MAGI3: variants seen among roughly 807,000 people sequenced by gnomAD.
The protein encoded by MAGI3 is membrane-associated guanylate kinase, WW and PDZ domain-containing protein 3.
Under a neutral mutation model 121.8 loss-of-function variants are expected in MAGI3, and 43 were observed. The observed-to-expected ratio is 0.35, with a 90% CI of 0.28 to 0.46. MAGI3 has a LOEUF of 0.46. MAGI3 is among the 20% of genes least tolerant of loss of function. The probability of loss-of-function intolerance (pLI) is 1.00; values close to 1 mark genes in which losing one functional copy is unlikely to be tolerated. For synonymous variants in MAGI3, 553 were observed against 639.3 expected (o/e 0.86, Z 2.04); for missense variants, 1,547 against 1,797.3 (o/e 0.86, Z 2.52).
At chr1:113,579,397 T>C (rs1647866535) in intron 2 of MAGI3, among the ~76,000 whole-genome samples, 1 of 152,114 alleles carries the variant, frequency 6.6e-6, no homozygotes, top group African/African-American at 2.4e-5. Context: ...TTGAAAAATA[T>C]ATGTAGTATA....
At chr1:113,660,766 A>ATTTTTTTTTTTTTTTTTTTTTTTTTT (rs33956607) in intron 16 of MAGI3, among the ~76,000 whole-genome samples, 1 of 122,984 alleles carries the variant, frequency 8.1e-6, no homozygotes. Context: ...ATAATTTTTA[A>ATTTTTTTTTTTTTTTTTTTTTTTTTT]TTTTTTTTTT....
At chr1:113,543,987 T>A (rs1368526359) in intron 1 of MAGI3, among the ~76,000 whole-genome samples, 2 of 152,190 alleles carry the variant, frequency 1.3e-5, no homozygotes, top group African/African-American at 4.8e-5. Context: ...TTTAGATAGC[T>A]GACAATTTAG....
intron 7 of MAGI3, chr1:113,618,652 T>G (rs1172370303): frequency 2.9e-6 from 1 of 346,218 alleles, no homozygotes; most frequent in East Asian, 9.6e-5. Context: ...ATTACAGGCA[T>G]GCACCACCAC....
intron 19 of MAGI3, among the ~76,000 whole-genome samples, chr1:113,679,498 A>G (rs532906076): frequency 1.3e-5 from 2 of 152,264 alleles, no homozygotes; most frequent in East Asian, 1.9e-4. Flanking sequence ...TCTTTATCCA[A>G]TGCAGCATTC....
intron 6 of MAGI3, among the ~76,000 whole-genome samples, chr1:113,612,003 G>A (rs145828966): frequency 0.013 from 2,001 of 150,294 alleles, 18 homozygotes; most frequent in Middle Eastern, 0.017. Flanking sequence ...GAATGCAGTG[G>A]CACGATCTTG....
intron 1 of MAGI3, among the ~76,000 whole-genome samples, chr1:113,401,388 C>T (rs1292838112): frequency 1.3e-5 from 2 of 152,004 alleles, no homozygotes; most frequent in Non-Finnish European, 2.9e-5. Context: ...AGTTTGTGGC[C>T]GTGCAGTTTA....
chr1:113,394,631 A>T (rs1650996171), intron 1 of MAGI3, among the ~76,000 whole-genome samples: 1 of 152,178 alleles, frequency 6.6e-6, no homozygotes, highest in South Asian at 2.1e-4. Flanking sequence ...AATTGTGCAG[A>T]GTTTTATGCT....
intron 6 of MAGI3, among the ~76,000 whole-genome samples, chr1:113,612,698 T>C (rs1336410673): frequency 6.6e-6 from 1 of 152,162 alleles, no homozygotes; most frequent in Non-Finnish European, 1.5e-5. Flanking sequence ...ACCCAGAAGA[T>C]AAATGGCTGC....
At chr1:113,526,682 T>A (rs1351271075) in intron 1 of MAGI3, among the ~76,000 whole-genome samples, 2 of 152,108 alleles carry the variant, frequency 1.3e-5, no homozygotes, top group Non-Finnish European at 2.9e-5. Flanking sequence ...TTAGGAAAAT[T>A]GGAAAACAAA....
chr1:113,685,471 C>CCAA lies in MAGI3; in HGVS notation c.*1462_*1464dup, dbSNP rs1307670076. On this transcript the variant is annotated 3_prime_UTR_variant, in exon 21 of 21. Transcript: ENST00000307546. ...GAGTCTGACTGTGAAACTCTTTAAC[C>CCAA]CAACAACTCAATTAGCCCCTGTAGA... The CCAA allele has an allele frequency of 6.6e-6, 1 of 152,312 alleles. No homozygotes were observed. The highest frequency in any genetic ancestry group is 1.5e-5 in the Non-Finnish European group (1 of 68,040). The allele number at this position is 152,312 out of a possible 1,614,324, so 9.4% of individuals were successfully genotyped here. A position where few individuals can be genotyped will look rare whatever the true frequency, so the allele number is the denominator to read the frequency against.
chr1:113,547,763 A>G (rs1659602953), intron 1 of MAGI3, among the ~76,000 whole-genome samples: 1 of 152,202 alleles, frequency 6.6e-6, no homozygotes, highest in South Asian at 2.1e-4. Context: ...ATGAAATAAT[A>G]TTATTTTTAT....
intron 1 of MAGI3, among the ~76,000 whole-genome samples, chr1:113,394,333 GA>G (rs1255440573): frequency 1.3e-5 from 2 of 152,124 alleles, no homozygotes; most frequent in Non-Finnish European, 2.9e-5. Context: ...CCCGCTTATA[GA>G]AGAATCTTTG....
intron 1 of MAGI3, among the ~76,000 whole-genome samples, chr1:113,447,038 T>G (rs1654210199): frequency 1.3e-5 from 2 of 152,210 alleles, no homozygotes; most frequent in Non-Finnish European, 2.9e-5. Flanking sequence ...GGGTAAACAG[T>G]TTCATTTTGG....
rs377176212 is a variant in MAGI3 at position 113,646,530 on chromosome 1, T to C, written c.2043T>C (p.Asn681=). 72 of 1,612,040 alleles carry C rather than the reference T, an allele frequency of 4.5e-5. No homozygotes were observed. The African/African-American group carries it at 8.1e-4, about 18-fold the overall frequency. The part of the protein sequence containing the change: ...KENAGSLEAI[N]EPIPQPMPFP... Reference sequence around the variant, plus strand: ...ATGCAGGAAGTTTGGAGGCCATAAATGAGCCTATTCCTCAGCCTATGCCTT... The same window carrying C: ...ATGCAGGAAGTTTGGAGGCCATAAACGAGCCTATTCCTCAGCCTATGCCTT... Residue 681 remains asparagine, a synonymous_variant, in exon 12 of 21, where the codon AAT becomes AAC. Transcript: ENST00000307546.
intron 2 of MAGI3, among the ~76,000 whole-genome samples, chr1:113,575,182 A>G (rs1426791960): frequency 6.6e-6 from 1 of 152,098 alleles, no homozygotes; most frequent in African/African-American, 2.4e-5. Context: ...CCTGAAGCCT[A>G]CTTCTGTCAA....
chr1:113,590,184 C>T (rs1648609318), intron 4 of MAGI3, among the ~76,000 whole-genome samples: 1 of 152,072 alleles, frequency 6.6e-6, no homozygotes, highest in African/African-American at 2.4e-5. Context: ...AAAAGGACTA[C>T]ATTAGTGCTG....
intron 17 of MAGI3, among the ~76,000 whole-genome samples, chr1:113,672,199 G>C (rs189395325): frequency 1.3e-5 from 2 of 152,354 alleles, no homozygotes; most frequent in African/African-American, 2.4e-5. Context: ...CACCTGAGCA[G>C]AGCAGGTTTT....
At chr1:113,448,830 A>G (rs1654310626) in intron 1 of MAGI3, among the ~76,000 whole-genome samples, 1 of 152,142 alleles carries the variant, frequency 6.6e-6, no homozygotes, top group Non-Finnish European at 1.5e-5. Flanking sequence ...AATAAAACAT[A>G]AAAAAGAGGC....
intron 1 of MAGI3, among the ~76,000 whole-genome samples, chr1:113,503,874 T>C (rs1427436297): frequency 1.3e-5 from 2 of 152,022 alleles, no homozygotes; most frequent in East Asian, 3.9e-4. Flanking sequence ...ATTTCATCAC[T>C]GGAAATGAGC....
Sources: allele counts gnomAD v4.1 joint callset (sites outside exome capture counted in the v4.1 genomes callset), GRCh38; gene constraint gnomAD v4.1.1; transcripts MANE v1.5; gene names NCBI Gene and HGNC (gene_info 2026-07-23, HGNC 2026-07-21).